RBFOX1: variants seen among roughly 807,000 people sequenced by gnomAD.
The protein encoded by RBFOX1 is RNA binding protein fox-1 homolog 1.
A neutral mutation model predicts 57.7 loss-of-function variants in RBFOX1; 8 were observed. That is an observed-to-expected ratio of 0.14 (90% CI 0.08 to 0.25). The LOEUF is 0.25. Among genes scored for constraint, RBFOX1 ranks in the 10% least tolerant of loss-of-function variants. The pLI, the probability that RBFOX1 is intolerant of heterozygous loss-of-function variation, is 1.00. For missense variants in RBFOX1, 611 were observed against 548.5 expected, an observed-to-expected ratio of 1.11 and a Z score of -1.14; for synonymous variants, 326 against 222.4, an observed-to-expected ratio of 1.47 and a Z score of -4.15.
intron 1 of RBFOX1, among the ~76,000 whole-genome samples, chr16:5,411,346 C>G (rs74319965): frequency 6.6e-6 from 1 of 152,094 alleles, no homozygotes; most frequent in Non-Finnish European, 1.5e-5. Context: ...GAGTCAGAGT[C>G]TGAATGGAGG....
intron 4 of RBFOX1, among the ~76,000 whole-genome samples, chr16:7,069,657 A>G (rs895003588): frequency 6.6e-5 from 10 of 152,132 alleles, no homozygotes; most frequent in African/African-American, 2.4e-4. Context: ...ACTGAGGATA[A>G]ATGGGGACTT....
Position 6,635,572 on chromosome 16 carries a change from A to G in RBFOX1, c.-63-19031A>G, listed in dbSNP as rs556154837. On this transcript the variant is annotated intron_variant, in intron 2 of 15. Coordinates refer to ENST00000550418, the MANE Select transcript of RBFOX1 (RefSeq NM_018723.4). ...CTGGAAAATAAAAAGAGGTATCAAT[A>G]AAAAGGTTGACAGGGAGCATAGGGT... is the stretch of plus-strand genomic sequence containing the variant. Among the ~76,000 whole-genome samples, 4 of 152,290 alleles carry G rather than the reference A, an allele frequency of 2.6e-5. No homozygotes were observed. The South Asian group carries it at 6.2e-4, about 24-fold the overall frequency.
chr16:5,943,692 G>A (rs1049970064), intron 4 of RBFOX1, among the ~76,000 whole-genome samples: 1 of 152,180 alleles, frequency 6.6e-6, no homozygotes, highest in African/African-American at 2.4e-5. Flanking sequence ...TTCGAAGGAG[G>A]TTGATCTGAA....
chr16:6,788,496 C>G (rs1201772441), intron 3 of RBFOX1, among the ~76,000 whole-genome samples: 1 of 150,988 alleles, frequency 6.6e-6, no homozygotes, highest in Non-Finnish European at 1.5e-5. Context: ...TTTTTTGAGA[C>G]AGAGTCTCTT....
At chr16:5,900,195 G>A (rs1383827983) in intron 4 of RBFOX1, among the ~76,000 whole-genome samples, 3 of 152,184 alleles carry the variant, frequency 2.0e-5, no homozygotes, top group Admixed American at 6.5e-5. Flanking sequence ...CACTCCAAAT[G>A]TCATGGGTGG....
chr16:7,265,567 G>T (rs552336990), intron 4 of RBFOX1, among the ~76,000 whole-genome samples: 8 of 152,080 alleles, frequency 5.3e-5, no homozygotes, highest in Non-Finnish European at 8.8e-5. Flanking sequence ...TCCTGCCTCA[G>T]CCTCCCGAGT....
intron 1 of RBFOX1, among the ~76,000 whole-genome samples, chr16:6,217,839 ACT>A (rs541437823): frequency 2.0e-5 from 3 of 151,880 alleles, no homozygotes; most frequent in Non-Finnish European, 2.9e-5. Flanking sequence ...ACATGGCAAA[ACT>A]CTGTATCTAG....
chr16:6,342,720 T>A (rs2084750591), intron 2 of RBFOX1, among the ~76,000 whole-genome samples: 1 of 152,190 alleles, frequency 6.6e-6, no homozygotes, highest in South Asian at 2.1e-4. Context: ...ATGTGTTTGG[T>A]ATTTGATAAA....
At chr16:6,670,811 C>G (rs899390708) in intron 3 of RBFOX1, among the ~76,000 whole-genome samples, 2 of 151,972 alleles carry the variant, frequency 1.3e-5, no homozygotes, top group African/African-American at 4.8e-5. Flanking sequence ...TCCTAGCTAA[C>G]ACGGTGAAAC....
chr16:7,297,765 A>T lies in RBFOX1; in HGVS notation c.28-220382A>T, dbSNP rs72769252. Among the ~76,000 whole-genome samples the T allele has an allele frequency of 7.0e-3, 1,066 of 152,340 alleles. 10 individuals carry two copies. The highest frequency in any genetic ancestry group is 0.011 in the Non-Finnish European group (716 of 68,032). On this transcript the variant is annotated intron_variant, in intron 4 of 15. Coordinates refer to ENST00000550418, the MANE Select transcript of RBFOX1 (RefSeq NM_018723.4). ...TATTGTAAAAGTAATACACAGACAC[A>T]TTCTTATTGTGAAAATCTAAGCGAC...
chr16:6,112,819 T>C (rs2096460913), intron 1 of RBFOX1, among the ~76,000 whole-genome samples: 1 of 152,222 alleles, frequency 6.6e-6, no homozygotes, highest in African/African-American at 2.4e-5. Context: ...GGATTTTGTA[T>C]CTGAGAGATC....
Position 6,968,640 on chromosome 16 carries a change from C to T in RBFOX1, c.-15-83417C>T, listed in dbSNP as rs74010406. On this transcript the variant is annotated intron_variant, in intron 3 of 15. Coordinates refer to ENST00000550418, the MANE Select transcript of RBFOX1 (RefSeq NM_018723.4). ...TTTCAGTTTGCATTTACACAACGTGCCACCATCCCACAGGACTCGAGGAAG... is the reference window on the plus strand; with the variant it reads ...TTTCAGTTTGCATTTACACAACGTGTCACCATCCCACAGGACTCGAGGAAG... Among the ~76,000 whole-genome samples, 886 of 152,194 alleles carry T rather than the reference C, an allele frequency of 5.8e-3. 2 individuals are homozygous for T. Among genetic ancestry groups the T allele is most frequent in the African/African-American group, 0.02 (824 of 41,556 alleles).
rs78285557 is a variant in RBFOX1 at position 6,447,714 on chromosome 16, C to G, written c.-64+130657C>G. The stretch of plus-strand genomic sequence containing the variant: ...GAATTCATAATCCAGATTTTGAAAG[C>G]CGCCTGTATGCCACACCAAATGCTG... On this transcript the variant is annotated intron_variant, in intron 2 of 15. Transcript: ENST00000550418. Among the ~76,000 whole-genome samples the G allele has an allele frequency of 5.7e-3, 867 of 152,292 alleles. 31 individuals are homozygous for G. The East Asian group carries it at 0.12, about 21-fold the overall frequency.
chr16:7,676,978 C>T (rs578206851), intron 14 of RBFOX1, 140 bp downstream of exon 14: 3 of 751,946 alleles, frequency 4.0e-6, no homozygotes, highest in Admixed American at 4.3e-5. Flanking sequence ...CCATGGTGAA[C>T]GTGAACTCAA....
chr16:7,387,959 C>G (rs2097912755), intron 4 of RBFOX1, among the ~76,000 whole-genome samples: 1 of 152,072 alleles, frequency 6.6e-6, no homozygotes, highest in Non-Finnish European at 1.5e-5. Context: ...CATCCCAGAG[C>G]TTAATGGCTC....
At chr16:6,020,555 A>G (rs1363088196) in intron 1 of RBFOX1, among the ~76,000 whole-genome samples, 1 of 151,986 alleles carries the variant, frequency 6.6e-6, no homozygotes, top group Non-Finnish European at 1.5e-5. Flanking sequence ...TGCCACCTCG[A>G]CCCCAGGGGA....
intron 2 of RBFOX1, among the ~76,000 whole-genome samples, chr16:6,398,040 A>T (rs1004109181): frequency 5.9e-5 from 9 of 152,190 alleles, no homozygotes; most frequent in Non-Finnish European, 1.2e-4. Flanking sequence ...AAGTCCAACT[A>T]TGTCAGGAAA....
intron 3 of RBFOX1, among the ~76,000 whole-genome samples, chr16:7,039,228 T>G (rs917336184): frequency 2.6e-5 from 4 of 152,198 alleles, no homozygotes; most frequent in African/African-American, 7.2e-5. Context: ...ATTGTGCAAG[T>G]TTACGTATAA....
At chr16:6,799,850 TC>T (rs2084953828) in intron 3 of RBFOX1, among the ~76,000 whole-genome samples, 1 of 152,126 alleles carries the variant, frequency 6.6e-6, no homozygotes, top group African/African-American at 2.4e-5. Flanking sequence ...GCTGTCAGCT[TC>T]CCTGCTTTTA....
Sources: allele counts gnomAD v4.1 joint callset (sites outside exome capture counted in the v4.1 genomes callset), GRCh38; gene constraint gnomAD v4.1.1; transcripts MANE v1.5; gene names NCBI Gene and HGNC (gene_info 2026-07-23, HGNC 2026-07-21).